ASH1L: variants seen among roughly 807,000 people sequenced by gnomAD.
The protein encoded by ASH1L is histone-lysine N-methyltransferase ASH1L.
Under a neutral mutation model 269.0 loss-of-function variants are expected in ASH1L, and 23 were observed. The observed-to-expected ratio is 0.09, with a 90% CI of 0.06 to 0.12. ASH1L has a LOEUF of 0.12. ASH1L is among the 10% of genes least tolerant of loss of function. The pLI, the probability that ASH1L is intolerant of heterozygous loss-of-function variation, is 1.00. For synonymous variants in ASH1L, 1,187 were observed against 1,253.5 expected (o/e 0.95, Z 1.12); for missense variants, 2,912 against 3,567.8 (o/e 0.82, Z 4.68).
intron 5 of ASH1L, among the ~76,000 whole-genome samples, chr1:155,432,667 AGTAT>A (rs1171290766): frequency 6.6e-6 from 1 of 152,150 alleles, no homozygotes; most frequent in Non-Finnish European, 1.5e-5. Flanking sequence ...CTTGTGAAAA[AGTAT>A]GTGTTTAATT....
chr1:155,498,808 A>G (rs1570990450), intron 2 of ASH1L, among the ~76,000 whole-genome samples: 1 of 151,370 alleles, frequency 6.6e-6, no homozygotes, highest in South Asian at 2.1e-4. Flanking sequence ...CTGGTCTTGA[A>G]CTCCTTGGCA....
intron 17 of ASH1L, 117 bp from the exon 18 acceptor site, chr1:155,349,713 T>A: frequency 3.2e-6 from 2 of 627,458 alleles, no homozygotes; most frequent in Non-Finnish European, 4.7e-6. Flanking sequence ...CCAAGTCTTT[T>A]TTTTTTTTTT....
intron 4 of ASH1L, among the ~76,000 whole-genome samples, chr1:155,440,245 C>A (rs1451290399): frequency 6.6e-6 from 1 of 152,018 alleles, no homozygotes; most frequent in African/African-American, 2.4e-5. Context: ...GAGTTTGAGG[C>A]TGCAGTGAGC....
At chr1:155,424,630 C>T (rs1038714368) in intron 5 of ASH1L, among the ~76,000 whole-genome samples, 3 of 152,032 alleles carry the variant, frequency 2.0e-5, no homozygotes, top group African/African-American at 4.8e-5. Context: ...TGGTCTCCAA[C>T]TCCCAACCTC....
chr1:155,539,298 T>C (rs1487402671), intron 1 of ASH1L, among the ~76,000 whole-genome samples: 3 of 151,988 alleles, frequency 2.0e-5, no homozygotes, highest in Admixed American at 6.6e-5. Context: ...TGTGATTACA[T>C]AGAGTTCCTC....
At chr1:155,420,643 GA>G in intron 5 of ASH1L, among the ~76,000 whole-genome samples, 1 of 150,472 alleles carries the variant, frequency 6.6e-6, no homozygotes, top group East Asian at 2.0e-4. Context: ...TTGAGGTCAG[GA>G]GTTTGAGACC....
At chr1:155,451,287 C>A (rs1663445063) in intron 4 of ASH1L, among the ~76,000 whole-genome samples, 1 of 150,998 alleles carries the variant, frequency 6.6e-6, no homozygotes. Context: ...CACAAAAAAA[C>A]AAACACCGTA....
At chr1:155,550,682 T>C (rs1241362364) in intron 1 of ASH1L, among the ~76,000 whole-genome samples, 1 of 152,238 alleles carries the variant, frequency 6.6e-6, no homozygotes, top group Non-Finnish European at 1.5e-5. Flanking sequence ...TTGTTTATAC[T>C]TCCTTTACCA....
At position 155,354,487 on chromosome 1, in the gene ASH1L, C is replaced by A. The variant is rs1164244351; in HGVS notation, c.7199G>T (p.Gly2400Val). 1.2e-6 allele frequency: 2 copies of A among 1,606,484 alleles called. No homozygotes were observed. Among genetic ancestry groups the A allele is most frequent in the Admixed American group, 1.7e-5 (1 of 57,582 alleles). ...TRWNGICRDDGNIKSDVFMTQ... is the reference protein window; with the variant it reads ...TRWNGICRDDVNIKSDVFMTQ... Reference sequence around the variant, plus strand: ...AAATGCCTTACCAGACTTGATATTCCCATCATCTCGGCAGATCCCATTCCA... The same window carrying A: ...AAATGCCTTACCAGACTTGATATTCACATCATCTCGGCAGATCCCATTCCA... The change falls in exon 16 of 28, where the codon GGG (glycine) becomes GTG (valine). Residue 2400 changes from glycine to valine, a missense_variant. Physicochemically the swap from Gly to Val is moderately radical, Grantham distance 109. Transcript: ENST00000392403.
chr1:155,531,889 G>T (rs1669697475), intron 1 of ASH1L, among the ~76,000 whole-genome samples: 1 of 152,166 alleles, frequency 6.6e-6, no homozygotes, highest in Admixed American at 6.5e-5. Flanking sequence ...TTGAAAAACA[G>T]TCCCTACAGC....
intron 5 of ASH1L, among the ~76,000 whole-genome samples, chr1:155,429,213 C>T (rs942204528): frequency 7.2e-5 from 11 of 152,036 alleles, no homozygotes; most frequent in African/African-American, 2.4e-4. Flanking sequence ...TTTAACATGA[C>T]TATGTTGAGC....
intron 21 of ASH1L, chr1:155,346,018 G>A: frequency 2.2e-6 from 1 of 450,992 alleles, no homozygotes; most frequent in Non-Finnish European, 3.8e-6. Context: ...TATTTTAGTA[G>A]AGATGGGGTT....
intron 12 of ASH1L, among the ~76,000 whole-genome samples, chr1:155,361,210 C>T (rs936944893): frequency 8.6e-5 from 13 of 151,874 alleles, no homozygotes; most frequent in Admixed American, 3.3e-4. Flanking sequence ...AGTGAAACCC[C>T]GTCTCTACTA....
In ASH1L at chr1:155,390,637, C is replaced by G. The variant is rs535889924; in HGVS notation, c.6103+4822G>C. On this transcript the variant is annotated intron_variant, in intron 7 of 27. Coordinates refer to ENST00000392403, the MANE Select transcript of ASH1L (RefSeq NM_018489.3). ...ATCTGTAGTTAATATCATTCTCCCC[C>G]CCCCCCCTTTTTTCTTTCTTTTTTT... Among the ~76,000 whole-genome samples the G allele has an allele frequency of 3.0e-5, 4 of 135,020 alleles. 1 individual carries two copies. Among genetic ancestry groups the G allele is most frequent in the Admixed American group, 1.5e-4 (2 of 13,546 alleles). The allele number at this position is 135,020 out of a possible 152,430, so 88.6% of individuals were successfully genotyped here.
Position 155,354,514 on chromosome 1 carries a change from C to T in ASH1L, c.7172G>A (p.Arg2391His), listed in dbSNP as rs753029013. ...ATCATCTCGGCAGATCCCATTCCAA[C>T]GGGTATATAATGATGCTGAGTGAAT... ...DNIHSASLYTRWNGICRDDGN... is the reference protein window; with the variant it reads ...DNIHSASLYTHWNGICRDDGN... The change falls in exon 16 of 28, where the codon CGT becomes CAT. Residue 2391 changes from arginine to histidine, a missense_variant. Physicochemically the swap from Arg to His is conservative, Grantham distance 29. Coordinates refer to ENST00000392403, the MANE Select transcript of ASH1L (RefSeq NM_018489.3). 7.4e-6 allele frequency: 12 copies of T among 1,612,180 alleles called. No individual in the cohort carries two copies. Among genetic ancestry groups the T allele is most frequent in the Admixed American group, 3.4e-5 (2 of 59,360 alleles).
At chr1:155,508,598 C>T (rs1245110023) in intron 2 of ASH1L, among the ~76,000 whole-genome samples, 1 of 152,204 alleles carries the variant, frequency 6.6e-6, no homozygotes, top group Non-Finnish European at 1.5e-5. Flanking sequence ...CAAGATTGCA[C>T]CACTGCACTC....
intron 3 of ASH1L, among the ~76,000 whole-genome samples, chr1:155,476,713 G>A (rs1398332149): frequency 1.3e-5 from 2 of 151,488 alleles, no homozygotes; most frequent in Non-Finnish European, 2.9e-5. Context: ...CACCATGCCT[G>A]GCTAATTTTT....
intron 7 of ASH1L, among the ~76,000 whole-genome samples, chr1:155,381,339 G>A (rs1489662997): frequency 1.3e-5 from 2 of 152,012 alleles, no homozygotes; most frequent in Non-Finnish European, 2.9e-5. Flanking sequence ...TAGATCACGA[G>A]GTCAGGCATT....
chr1:155,459,041 T>G (rs1280760020), intron 4 of ASH1L, among the ~76,000 whole-genome samples: 1 of 149,108 alleles, frequency 6.7e-6, no homozygotes, highest in Non-Finnish European at 1.5e-5. Flanking sequence ...ATTATACAAA[T>G]ATGTTGTATG....
Sources: allele counts gnomAD v4.1 joint callset (sites outside exome capture counted in the v4.1 genomes callset), GRCh38; gene constraint gnomAD v4.1.1; transcripts MANE v1.5; gene names NCBI Gene and HGNC (gene_info 2026-07-23, HGNC 2026-07-21).